The following ZDHHC11B variants were observed in gnomAD, a reference collection of about 807,000 sequenced individuals.
ZDHHC11B encodes the protein zDHHC palmitoyltransferase 11B (putative), also known as probable palmitoyltransferase ZDHHC11B.
ZDHHC11B carries 17 observed loss-of-function variants against 42.3 expected under a neutral mutation model. The observed-to-expected ratio is 0.40, with a 90% CI of 0.27 to 0.60. ZDHHC11B has a LOEUF of 0.60. Ranked by LOEUF, ZDHHC11B falls within the 20% of genes least tolerant of loss-of-function variation. The probability of loss-of-function intolerance (pLI) is 0.41; values close to 1 mark genes in which losing one functional copy is unlikely to be tolerated. For synonymous variants in ZDHHC11B, 123 were observed against 193.5 expected (o/e 0.64, Z 3.02); for missense variants, 262 against 463.2 (o/e 0.57, Z 3.99).
At chr5:764,707 C>T (rs1318232013) in intron 4 of ZDHHC11B, among the ~76,000 whole-genome samples, 1 of 151,908 alleles carries the variant, frequency 6.6e-6, no homozygotes, top group African/African-American at 2.4e-5. Flanking sequence ...CTCTGCGGCA[C>T]CCGGTCCCAT....
At chr5:721,099 G>C (rs985295280) in intron 12 of ZDHHC11B, among the ~76,000 whole-genome samples, 2 of 151,456 alleles carry the variant, frequency 1.3e-5, no homozygotes, top group African/African-American at 2.4e-5. Flanking sequence ...ACTGAGTCCT[G>C]TCTCAAAAAA....
At chr5:774,981 T>C (rs1432323749) in intron 1 of ZDHHC11B, among the ~76,000 whole-genome samples, 1 of 152,000 alleles carries the variant, frequency 6.6e-6, no homozygotes, top group Non-Finnish European at 1.5e-5. Context: ...AGGAGGCTGG[T>C]GGACAGGCCA....
chr5:751,936 G>A (rs531125731), intron 6 of ZDHHC11B, among the ~76,000 whole-genome samples: 6 of 118,802 alleles, frequency 5.1e-5, no homozygotes, highest in Admixed American at 1.0e-4. Context: ...TCAGAGATGC[G>A]GTGCGACTCG....
At chr5:751,891 G>A (rs1745822277) in intron 6 of ZDHHC11B, among the ~76,000 whole-genome samples, 1 of 119,348 alleles carries the variant, frequency 8.4e-6, no homozygotes, top group African/African-American at 2.7e-5. Flanking sequence ...GTGAGGAGGG[G>A]GAACCAGCCC....
chr5:720,637 A>G (rs1281663487), intron 12 of ZDHHC11B, among the ~76,000 whole-genome samples: 3 of 151,912 alleles, frequency 2.0e-5, no homozygotes, highest in African/African-American at 4.8e-5. Context: ...ATACAAGTCA[A>G]TAATATTGTA....
chr5:764,314 T>C (rs1390928297), intron 4 of ZDHHC11B, among the ~76,000 whole-genome samples: 2 of 151,854 alleles, frequency 1.3e-5, no homozygotes, highest in African/African-American at 4.8e-5. Flanking sequence ...AGCCCACTGC[T>C]GCACTGTGGG....
rs549655993 is a variant in ZDHHC11B at position 711,768 on chromosome 5, G to C, written c.*522C>G. ...CTGTGCTCCCATTTCCCATTACTGT[G>C]CTCCCATTTCCCAGCACTGTGATCC... On this transcript the variant is annotated 3_prime_UTR_variant, in exon 14 of 14. Coordinates refer to ENST00000508859, the MANE Select transcript of ZDHHC11B (RefSeq NM_001351303.2). The C allele has an allele frequency of 1.5e-4, 23 of 153,600 alleles. No homozygotes were observed. The highest frequency in any genetic ancestry group is 3.0e-4 in the Non-Finnish European group (21 of 69,694). The allele number at this position is 153,600 out of a possible 1,614,324, so 9.5% of individuals were successfully genotyped here.
At chr5:732,583 C>T (rs1743097706) in intron 11 of ZDHHC11B, 2 of 440,630 alleles carry the variant, frequency 4.5e-6, no homozygotes, top group African/African-American at 2.0e-5. Flanking sequence ...CTCACTGTTC[C>T]TCCAGGTTGG....
At position 761,901 on chromosome 5, in the gene ZDHHC11B, G is replaced by GGCCACCCCTAGCCCCA. The variant is rs1554040480; in HGVS notation, c.222+4796_222+4797insTGGGGCTAGGGGTGGC. Among the ~76,000 whole-genome samples, 4 of 17,038 alleles carry GGCCACCCCTAGCCCCA rather than the reference G, an allele frequency of 2.3e-4. No homozygotes were observed. The East Asian group carries it at 0.01, about 44-fold the overall frequency. 11.2% of individuals were successfully genotyped at this position (17,038 alleles called of 152,430 possible). ...GCCCCAGACAGCCACTCACAGCCCTGGACAGACACTCCTAGCCCCAGACAG... is the reference window on the plus strand; with the variant it reads ...GCCCCAGACAGCCACTCACAGCCCTGGCCACCCCTAGCCCCAGACAGACACTCCTAGCCCCAGACAG... On this transcript the variant is annotated intron_variant, in intron 4 of 13. Transcript: ENST00000508859.
chr5:744,625 A>T (rs1744535544), intron 9 of ZDHHC11B, among the ~76,000 whole-genome samples: 1 of 149,592 alleles, frequency 6.7e-6, no homozygotes, highest in South Asian at 2.2e-4. Context: ...TTGTAATCCC[A>T]GCACTTTCGG....
At chr5:732,770 C>T in intron 11 of ZDHHC11B, 1 of 336,898 alleles carries the variant, frequency 3.0e-6, no homozygotes, top group Admixed American at 3.7e-5. Context: ...AGGCTCACGC[C>T]TCTAATCCCT....
At chr5:712,832 C>A (rs1361987595) in intron 13 of ZDHHC11B, among the ~76,000 whole-genome samples, 1 of 151,562 alleles carries the variant, frequency 6.6e-6, no homozygotes, top group East Asian at 1.9e-4. Context: ...TGTTGTGAAC[C>A]CGGGAGGCGG....
rs1735527899 is a variant in ZDHHC11B, at chr5:767,027, C to T, written c.1-108G>A. The T allele has an allele frequency of 5.2e-6, 7 of 1,337,508 alleles. No individual in the cohort carries two copies. In the East Asian group the frequency reaches 7.0e-5, roughly 13 times the overall value. 82.9% of individuals were successfully genotyped at this position (1,337,508 alleles called of 1,614,324 possible). ...CTGGGAACATGGCCCCCAGGACCAG[C>T]ACTGACAGCCAATGGCCCAGCATTG... On this transcript the variant is annotated intron_variant, in intron 3 of 13. Coordinates refer to ENST00000508859, the MANE Select transcript of ZDHHC11B (RefSeq NM_001351303.2).
At chr5:777,732 C>G (rs933092099) in intron 1 of ZDHHC11B, among the ~76,000 whole-genome samples, 2 of 151,932 alleles carry the variant, frequency 1.3e-5, no homozygotes, top group Non-Finnish European at 2.9e-5. Flanking sequence ...GTTCTCCAAG[C>G]CCCCACTCCA....
intron 10 of ZDHHC11B, among the ~76,000 whole-genome samples, chr5:739,760 T>G (rs1390683430): frequency 3.4e-5 from 5 of 145,052 alleles, no homozygotes; most frequent in Non-Finnish European, 6.1e-5. Flanking sequence ...GCAATCCCAC[T>G]ACTGGCTATC....
At chr5:742,066 T>C (rs796915200) in intron 9 of ZDHHC11B, among the ~76,000 whole-genome samples, 2,559 of 123,634 alleles carry the variant, frequency 0.021, 56 homozygotes, top group African/African-American at 0.076. Context: ...AGCATTTTTT[T>C]CCATGTGCTT....
intron 7 of ZDHHC11B, among the ~76,000 whole-genome samples, chr5:750,429 C>G (rs2335287): frequency 0.42 from 57,069 of 136,814 alleles, 11,159 homozygotes; most frequent in African/African-American, 0.63. Context: ...TCACGAGGCC[C>G]CCTCCCCTCT....
At chr5:727,387 G>A (rs1579261269) in intron 12 of ZDHHC11B, among the ~76,000 whole-genome samples, 1 of 147,862 alleles carries the variant, frequency 6.8e-6, no homozygotes, top group African/African-American at 2.5e-5. Context: ...TCAAAATGAG[G>A]TGTATATTTA....
chr5:749,677 A>G (rs661926), intron 7 of ZDHHC11B, among the ~76,000 whole-genome samples: 1 of 130,100 alleles, frequency 7.7e-6, no homozygotes, highest in Non-Finnish European at 1.7e-5. Flanking sequence ...GAACTCACAC[A>G]AAGACACTGG....
Sources: allele counts gnomAD v4.1 joint callset (sites outside exome capture counted in the v4.1 genomes callset), GRCh38; gene constraint gnomAD v4.1.1; transcripts MANE v1.5; gene names NCBI Gene and HGNC (gene_info 2026-07-23, HGNC 2026-07-21).